The following KEL variants were observed in gnomAD, a reference collection of about 807,000 sequenced individuals.
KEL encodes kell blood group glycoprotein.
KEL carries 96 observed loss-of-function variants against 99.5 expected under a neutral mutation model. That is an observed-to-expected ratio of 0.97 (90% CI 0.82 to 1.14). The LOEUF (loss-of-function observed/expected upper bound fraction) is 1.14. KEL is among the 50% of genes most tolerant of loss of function. The pLI, the probability that KEL is intolerant of heterozygous loss-of-function variation, is 0.00. For synonymous variants in KEL, 355 were observed against 354.8 expected (o/e 1.00, Z -0.01); for missense variants, 926 against 924.2 (o/e 1.00, Z -0.03).
intron 10 of KEL, 92 bp from the exon 11 acceptor site, chr7:142,946,409 G>A (rs545787568): frequency 9.6e-7 from 1 of 1,038,732 alleles, no homozygotes; most frequent in African/African-American, 1.6e-5. Flanking sequence ...TTCCCAGAGG[G>A]TGCTCTTTTG....
chr7:142,947,729 G>T (rs1184148681), intron 10 of KEL, among the ~76,000 whole-genome samples: 1 of 152,070 alleles, frequency 6.6e-6, no homozygotes, highest in Non-Finnish European at 1.5e-5. Context: ...TGCCATGTTG[G>T]CCAGGCTGGT....
intron 4 of KEL, 108 bp downstream of exon 4, chr7:142,960,820 G>A (rs569012361): frequency 1.3e-5 from 15 of 1,120,458 alleles, no homozygotes; most frequent in Non-Finnish European, 1.9e-5. Flanking sequence ...CACCTGGGAT[G>A]GTGCAAATCA....
At chr7:142,961,688 T>C (rs1796963409) in intron 2 of KEL, 107 bp downstream of exon 2, 2 of 1,289,428 alleles carry the variant, frequency 1.6e-6, no homozygotes, top group Admixed American at 3.4e-5. Flanking sequence ...TGTCAACTGT[T>C]TTGGGTGAGG....
rs8176020 is a variant in KEL at position 142,945,824 on chromosome 7, C to A, written c.1314+383G>T. Among the ~76,000 whole-genome samples, 356 of 152,258 alleles carry A rather than the reference C, an allele frequency of 2.3e-3. 1 individual carries two copies. Among genetic ancestry groups the A allele is most frequent in the African/African-American group, 8.4e-3 (350 of 41,546 alleles). ...TGTATTTTTAGTAGAGATGGGGTTTCTCCATGTTGGTCAGGCTGGTCTTGA... is the reference window on the plus strand; with the variant it reads ...TGTATTTTTAGTAGAGATGGGGTTTATCCATGTTGGTCAGGCTGGTCTTGA... On this transcript the variant is annotated intron_variant, in intron 11 of 18. Coordinates refer to ENST00000355265, the MANE Select transcript of KEL (RefSeq NM_000420.3).
rs761246878 is a variant in KEL at position 142,941,285 on chromosome 7, G to A, written c.2166C>T (p.Leu722=). 1 of 1,614,164 alleles carries A rather than the reference G, an allele frequency of 6.2e-7. No homozygotes were observed. The highest frequency in any genetic ancestry group is 8.5e-7 in the Non-Finnish European group (1 of 1,180,044). The change falls in exon 19 of 19, where the codon CTC becomes CTT. Residue 722 remains leucine, a synonymous_variant. Coordinates refer to ENST00000355265, the MANE Select transcript of KEL (RefSeq NM_000420.3). Reference sequence around the variant, plus strand: ...GCTGGCAGCGGCTGGAGGGGTTCAAGAGAGCACCACGTGCACAGCGGAAAT... The same window carrying A: ...GCTGGCAGCGGCTGGAGGGGTTCAAAAGAGCACCACGTGCACAGCGGAAAT... The part of the protein sequence containing the change: ...ARYFRCARGA[L]LNPSSRCQLW
At chr7:142,955,623 C>G (rs1239347509) in intron 6 of KEL, among the ~76,000 whole-genome samples, 2 of 152,180 alleles carry the variant, frequency 1.3e-5, no homozygotes, top group Non-Finnish European at 2.9e-5. Flanking sequence ...TCACCTTAGT[C>G]TGGCCCTGAT....
Position 142,943,562 on chromosome 7 carries a change from A to T in KEL, c.1627T>A (p.Tyr543Asn), listed in dbSNP as rs1321976343. The change falls in exon 15 of 19, where the codon TAT becomes AAT. Residue 543 changes from tyrosine (Y) to asparagine (N), a missense_variant. Tyr to Asn is a moderately radical substitution (Grantham distance 143, BLOSUM62 -2). Transcript: ENST00000355265. ...ACTACCACATGGTCAGATACCGAAT[A>T]GTAAGCATTGACGTCCCAAGGGGAC... is the stretch of plus-strand genomic sequence containing the variant. ...KVSPWDVNAY[Y>N]SVSDHVVVFP... The T allele has an allele frequency of 1.9e-5, 31 of 1,614,174 alleles. No homozygotes were observed. The highest frequency in any genetic ancestry group is 2.6e-5 in the Non-Finnish European group (31 of 1,180,008).
Position 142,954,187 on chromosome 7 carries a change from G to C in KEL, c.921C>G (p.Leu307=), listed in dbSNP as rs892312464. 6.2e-7 allele frequency: 1 copy of C among 1,609,274 alleles called. No individual in the cohort carries two copies. The highest frequency in any genetic ancestry group is 8.5e-7 in the Non-Finnish European group (1 of 1,179,908). The change falls in exon 8 of 19, where the codon CTC becomes CTG. Residue 307 remains leucine (L), a synonymous_variant. Transcript: ENST00000355265. ...TCTGGCCCCCAGTTCCAGGCACCTT[G>C]AGCTGGTCGATAGTGACCATCTGGA... ...KLFQMVTIDQ[L]KEMAPAIDWL... is the part of the protein sequence containing the mutation.
intron 4 of KEL, among the ~76,000 whole-genome samples, 199 bp from the exon 5 acceptor site, chr7:142,958,627 TTTTAC>T (rs933779338): frequency 9.9e-5 from 15 of 152,282 alleles, no homozygotes; most frequent in African/African-American, 3.4e-4. Context: ...AACAAAAATA[TTTTAC>T]CCCAAAACAT....
chr7:142,952,413 G>T, intron 10 of KEL, 96 bp downstream of exon 10: 1 of 1,484,280 alleles, frequency 6.7e-7, no homozygotes, highest in Non-Finnish European at 9.4e-7. Context: ...TACCATCACG[G>T]CCCCCTCCCT....
chr7:142,962,039 C>G, intron 1 of KEL, 165 bp downstream of exon 1: 2 of 1,609,812 alleles, frequency 1.2e-6, no homozygotes, highest in East Asian at 2.2e-5. Flanking sequence ...ACGAACCTGT[C>G]CCCTGAATGT....
chr7:142,954,243 G>C lies in KEL; in HGVS notation c.865C>G (p.Leu289Val). ...TTGCCCTGTGCCCGCCGCTGCTCCA[G>C]GGGCCTCAGAAACTGGAACAGCCGT... is the stretch of plus-strand genomic sequence containing the variant. ...TSRLFQFLRPLEQRRAQGKLF... is the reference protein window; with the variant it reads ...TSRLFQFLRPVEQRRAQGKLF... Residue 289 changes from leucine to valine, a missense_variant, in exon 8 of 19, where the codon CTG becomes GTG. Coordinates refer to ENST00000355265, the MANE Select transcript of KEL (RefSeq NM_000420.3). 1 of 1,613,890 alleles carries C rather than the reference G, an allele frequency of 6.2e-7. No individual in the cohort carries two copies. Among genetic ancestry groups the C allele is most frequent in the African/African-American group, 1.3e-5 (1 of 75,034 alleles).
chr7:142,952,593 A>C lies in KEL; in HGVS notation c.1119T>G (p.Leu373=), dbSNP rs554200249. Residue 373 remains leucine (L), a synonymous_variant, in exon 10 of 19, where the codon CTT becomes CTG. Coordinates refer to ENST00000355265, the MANE Select transcript of KEL (RefSeq NM_000420.3). ...GGAATTGACTGTCCAGGGCTGGAGA[A>C]AGGGTCACCACCAGCCCTAAGATCA... ...SHMILGLVVT[L]SPALDSQFQE... 4 of 1,614,052 alleles carry C rather than the reference A, an allele frequency of 2.5e-6. No homozygotes were observed. In the Admixed American group the frequency reaches 6.7e-5, roughly 27 times the overall value.
At chr7:142,944,493 GTT>G in intron 12 of KEL, 93 bp from the exon 13 acceptor site, 1 of 1,246,968 alleles carries the variant, frequency 8.0e-7, no homozygotes, top group Non-Finnish European at 1.2e-6. Context: ...CTCTCACATT[GTT>G]GCCAGTGTGA....
rs771874744 is a variant in KEL at position 142,962,109 on chromosome 7, C to A, written c.3+95G>T. 3.1e-6 allele frequency: 5 copies of A among 1,613,962 alleles called. No homozygotes were observed. The Admixed American group carries it at 8.3e-5, about 27-fold the overall frequency. On this transcript the variant is annotated intron_variant, in intron 1 of 18. Coordinates refer to ENST00000355265, the MANE Select transcript of KEL (RefSeq NM_000420.3). ...TCTCCCCACCTTTCTACTCTGTAAG[C>A]CTTACATTCCCTCCCCTCCAGTGGG...
rs374670117 is a variant in KEL at position 142,943,793 on chromosome 7, G to T, written c.1582C>A (p.Pro528Thr). ...RIVQSFLQPH[P>T]QHRWKVSPWD... ...CCCCTGCTGTCATACCTGTGTTGGGGGTGAGGCTGCAAGAAGCTCTGGACA... is the reference window on the plus strand; with the variant it reads ...CCCCTGCTGTCATACCTGTGTTGGGTGTGAGGCTGCAAGAAGCTCTGGACA... Residue 528 changes from proline (P) to threonine (T), a missense_variant, in exon 14 of 19, where the codon CCC becomes ACC. By Grantham distance (38) the Pro-to-Thr change is conservative. Transcript: ENST00000355265. 5.6e-6 allele frequency: 9 copies of T among 1,613,850 alleles called. No individual in the cohort carries two copies. The Admixed American group carries it at 8.3e-5, about 15-fold the overall frequency.
In KEL at chr7:142,946,238, C is replaced by G. The variant is rs750806448; in HGVS notation, c.1283G>C (p.Arg428Pro). Reference sequence around the variant, plus strand: ...TCGGGTGCTCGGGCCAAAGGCCTCACGAACAAACAAAGCCGCCAGCGTGGG... The same window carrying G: ...TCGGGTGCTCGGGCCAAAGGCCTCAGGAACAAACAAAGCCGCCAGCGTGGG... ...FEPTLAALFV[R>P]EAFGPSTRSA... The change falls in exon 11 of 19, where the codon CGT (arginine) becomes CCT (proline). Residue 428 changes from arginine (R) to proline (P), a missense_variant. Transcript: ENST00000355265. 1 of 1,613,950 alleles carries G rather than the reference C, an allele frequency of 6.2e-7. No individual in the cohort carries two copies. Among genetic ancestry groups the G allele is most frequent in the East Asian group, 2.2e-5 (1 of 44,888 alleles).
chr7:142,942,457 T>A lies in KEL; in HGVS notation c.2014A>T (p.Ile672Phe), dbSNP rs777434899. Reference protein sequence around the residue: ...LPSLDLSPQQIFFRSYAQVMC... With the variant: ...LPSLDLSPQQFFFRSYAQVMC... ...ACCTGGGCATAGCTTCGAAAGAAGA[T>A]CTGCTGGGGGCTGAGGTCCAGGCTG... is the stretch of plus-strand genomic sequence containing the variant. Residue 672 changes from isoleucine (I) to phenylalanine (F), a missense_variant, in exon 18 of 19, where the codon ATC becomes TTC. Physicochemically the swap from Ile to Phe is conservative, Grantham distance 21 (BLOSUM62 0). Transcript: ENST00000355265. The A allele has an allele frequency of 6.2e-7, 1 of 1,604,646 alleles. No homozygotes were observed. Among genetic ancestry groups the A allele is most frequent in the East Asian group, 2.2e-5 (1 of 44,696 alleles).
At chr7:142,944,532 T>C (rs926719257) in intron 12 of KEL, 111 bp downstream of exon 12, 9 of 1,186,380 alleles carry the variant, frequency 7.6e-6, no homozygotes, top group Non-Finnish European at 1.1e-5. Flanking sequence ...CTTCCCTACT[T>C]AGCATGTGCC....
Sources: allele counts gnomAD v4.1 joint callset (sites outside exome capture counted in the v4.1 genomes callset), GRCh38; gene constraint gnomAD v4.1.1; transcripts MANE v1.5; gene names NCBI Gene and HGNC (gene_info 2026-07-23, HGNC 2026-07-21).